Variants in TRIM65 observed in about 807,000 individuals in gnomAD.
TRIM65 encodes the protein E3 ubiquitin-protein ligase TRIM65.
TRIM65 carries 46 observed loss-of-function variants against 36.1 expected under a neutral mutation model. The observed-to-expected ratio is 1.27, with a 90% CI of 1.01 to 1.63. TRIM65 has a LOEUF of 1.63. Among genes scored for constraint, TRIM65 ranks in the 40% most tolerant of loss-of-function variants. The pLI is 0.00. For missense variants in TRIM65, 708 were observed against 696.6 expected (o/e 1.02, Z -0.18); for synonymous variants, 346 against 313.6 (o/e 1.10, Z -1.09).
chr17:75,892,778 G>C lies in TRIM65; in HGVS notation c.487C>G (p.Arg163Gly), dbSNP rs765174948. Residue 163 changes from arginine to glycine, a missense_variant, in exon 2 of 6, where the codon CGC (arginine) becomes GGC (glycine). Coordinates refer to ENST00000269383, the MANE Select transcript of TRIM65 (RefSeq NM_173547.4). Reference protein sequence around the residue: ...TQAEGQLLELRKQSSQIQNSA... With the variant: ...TQAEGQLLELGKQSSQIQNSA... ...ACCTGGATCTGGCTGCTTTGCTTGC[G>C]CAGCTCTAGTAGCTGGCCTTCGGCC... The C allele has an allele frequency of 1.1e-5, 18 of 1,604,280 alleles. No homozygotes were observed. The highest frequency in any genetic ancestry group is 1.4e-5 in the Non-Finnish European group (17 of 1,179,888).
At position 75,890,649 on chromosome 17, in the gene TRIM65, A is replaced by C. The variant is rs2065251052; in HGVS notation, c.*130T>G. The C allele has an allele frequency of 2.6e-6, 2 of 769,524 alleles. No individual in the cohort carries two copies. 47.7% of individuals were successfully genotyped at this position (769,524 alleles called of 1,614,324 possible). ...CTCTGCGTTTATGCTCACCTCCCCC[A>C]ACCTCCCATCTCTTTCTGAGTTAAC... On this transcript the variant is annotated 3_prime_UTR_variant, in exon 6 of 6. Transcript: ENST00000269383.
chr17:75,891,406 T>C (rs2065265075), intron 5 of TRIM65, 59 bp from the exon 6 acceptor site: 2 of 1,568,594 alleles, frequency 1.3e-6, no homozygotes, highest in Non-Finnish European at 8.7e-7. Context: ...CAGATCTCCA[T>C]TTATCCGCTG....
At chr17:75,892,931 C>G (rs909543036) in intron 1 of TRIM65, 81 bp from the exon 2 acceptor site, 1 of 1,260,774 alleles carries the variant, frequency 7.9e-7, no homozygotes, top group African/African-American at 1.5e-5. Context: ...ACCAACCATG[C>G]CTGCAGACAC....
Position 75,896,770 on chromosome 17 carries a change from G to T in TRIM65, c.168C>A (p.Asp56Glu), listed in dbSNP as rs1237262802. ...ACPECREPFPDGAELRRNVAL... is the reference protein window; with the variant it reads ...ACPECREPFPEGAELRRNVAL... ...CCACGTTGCGGCGCAGCTCGGCGCC[G>T]TCGGGAAAGGGCTCCCGGCACTCGG... is the stretch of plus-strand genomic sequence containing the variant. The change falls in exon 1 of 6, where the codon GAC (aspartate) becomes GAA (glutamate). Residue 56 changes from aspartate (D) to glutamate (E), a missense_variant. Transcript: ENST00000269383. The T allele has an allele frequency of 6.7e-7, 1 of 1,494,934 alleles. No homozygotes were observed. Among genetic ancestry groups the T allele is most frequent in the Non-Finnish European group, 8.9e-7 (1 of 1,126,896 alleles). 92.6% of individuals were successfully genotyped at this position (1,494,934 alleles called of 1,614,324 possible). A position where few individuals can be genotyped will look rare whatever the true frequency, so the allele number is the denominator to read the frequency against.
downstream of TRIM65, among the ~76,000 whole-genome samples, chr17:75,887,428 G>A (rs952143332): frequency 5.3e-5 from 8 of 151,932 alleles, no homozygotes; most frequent in Non-Finnish European, 1.2e-4. Flanking sequence ...GGGTTGCACT[G>A]AGCTGAGATT....
Position 75,890,799 on chromosome 17 carries a change from G to T in TRIM65, c.1534C>A (p.Gln512Lys), listed in dbSNP as rs753626613. The T allele has an allele frequency of 6.7e-7, 1 of 1,491,300 alleles. No homozygotes were observed. The highest frequency in any genetic ancestry group is 2.4e-5 in the East Asian group (1 of 41,190). 92.4% of individuals were successfully genotyped at this position (1,491,300 alleles called of 1,614,324 possible). A position where few individuals can be genotyped will look rare whatever the true frequency, so the allele number is the denominator to read the frequency against. Residue 512 changes from glutamine (Q) to lysine (K), a missense_variant, in exon 6 of 6, where the codon CAG becomes AAG. Physicochemically the swap from Gln to Lys is moderately conservative, Grantham distance 53. Coordinates refer to ENST00000269383, the MANE Select transcript of TRIM65 (RefSeq NM_173547.4). ...QPGAVFPLGP[Q>K]EEVLS Reference sequence around the variant, plus strand: ...CTTCTTCAGCTGAGCACCTCTTCCTGGGGCCCCAGAGGGAACACAGCCCCT... The same window carrying T: ...CTTCTTCAGCTGAGCACCTCTTCCTTGGGCCCCAGAGGGAACACAGCCCCT...
rs1457875776 is a variant in TRIM65 at position 75,892,104 on chromosome 17, G to A, written c.826C>T (p.Leu276=). ...CACAGCCGGCTTAGCAACTGCTTCA[G>A]GTCACCCAGCTGTTGGTCTTCATCC... ...QWDEDQQLGD[L]KQLLSRLCGL... is the part of the protein sequence containing the mutation. Residue 276 remains leucine, a synonymous_variant, in exon 4 of 6, where the codon CTG becomes TTG. Transcript: ENST00000269383. 1 of 1,557,408 alleles carries A rather than the reference G, an allele frequency of 6.4e-7. No individual in the cohort carries two copies. The highest frequency in any genetic ancestry group is 8.7e-7 in the Non-Finnish European group (1 of 1,150,088).
At chr17:75,882,179 C>T (rs991140053) in intron 4 of TRIM65, among the ~76,000 whole-genome samples, 10 of 150,228 alleles carry the variant, frequency 6.7e-5, no homozygotes, top group African/African-American at 1.5e-4. Context: ...CACAGAGATG[C>T]GGTTTGTCAG....
Position 75,889,717 on chromosome 17 carries a change from A to G in TRIM65, c.*1062T>C, listed in dbSNP as rs1360778051. The G allele has an allele frequency of 6.6e-6, 1 of 152,156 alleles. No homozygotes were observed. The highest frequency in any genetic ancestry group is 2.4e-5 in the African/African-American group (1 of 41,424). The allele number at this position is 152,156 out of a possible 1,614,324, so 9.4% of individuals were successfully genotyped here. On this transcript the variant is annotated 3_prime_UTR_variant, in exon 6 of 6. Coordinates refer to ENST00000269383, the MANE Select transcript of TRIM65 (RefSeq NM_173547.4). ...TGTATAAAAAAATCTTCAAGTGCTC[A>G]TTGTTCCCTGAGTGACTCACTTGAG...
intron 1 of TRIM65, among the ~76,000 whole-genome samples, chr17:75,893,620 C>T (rs924356722): frequency 6.6e-6 from 1 of 152,090 alleles, no homozygotes; most frequent in African/African-American, 2.4e-5. Context: ...CATTACTATC[C>T]CCACATCACA....
At chr17:75,896,488 G>A in intron 1 of TRIM65, 36 bp downstream of exon 1, 3 of 1,298,992 alleles carry the variant, frequency 2.3e-6, no homozygotes, top group South Asian at 2.0e-5. Flanking sequence ...GGCTGCGGCG[G>A]GTCCGGACCC....
At chr17:75,893,272 C>A (rs2065299987) in intron 1 of TRIM65, among the ~76,000 whole-genome samples, 1 of 152,200 alleles carries the variant, frequency 6.6e-6, no homozygotes, top group African/African-American at 2.4e-5. Context: ...CCCTGTCTCA[C>A]TGCAGAGGGG....
At chr17:75,895,878 G>A (rs2065338820) in intron 1 of TRIM65, among the ~76,000 whole-genome samples, 2 of 152,204 alleles carry the variant, frequency 1.3e-5, no homozygotes, top group South Asian at 4.1e-4. Context: ...GCGAATGAAA[G>A]GAGGCTCTCG....
chr17:75,884,703 C>T (rs1260822809), downstream of TRIM65, among the ~76,000 whole-genome samples: 1 of 152,192 alleles, frequency 6.6e-6, no homozygotes, highest in East Asian at 1.9e-4. Flanking sequence ...ACTGCAGCCT[C>T]AACATCCCGG....
In TRIM65 at chr17:75,892,171, G is replaced by C; in HGVS notation, c.759C>G (p.Leu253=). The C allele has an allele frequency of 6.4e-7, 1 of 1,569,638 alleles. No individual in the cohort carries two copies. The highest frequency in any genetic ancestry group is 1.4e-5 in the African/African-American group (1 of 73,972). ...EQTFLQESQL[L]QPPGPLGPLT... ...GTGGCCCAAGAGGCCCTGGGGGCTG[G>C]AGGAGCTGCGATTCCTGAGCCCCAG... Residue 253 remains leucine (L), a synonymous_variant, in exon 4 of 6, where the codon CTC becomes CTG. Transcript: ENST00000269383.
At chr17:75,892,582 G>T in intron 2 of TRIM65, 82 bp from the exon 3 acceptor site, 1 of 1,383,996 alleles carries the variant, frequency 7.2e-7, no homozygotes, top group South Asian at 1.3e-5. Flanking sequence ...CTGCCTGCTG[G>T]GCTGAGGGTC....
At chr17:75,891,437 C>T in intron 5 of TRIM65, 90 bp from the exon 6 acceptor site, 3 of 1,384,356 alleles carry the variant, frequency 2.2e-6, no homozygotes, top group Non-Finnish European at 3.0e-6. Flanking sequence ...GCCAGGCACG[C>T]TGAGCACCGG....
At position 75,896,951 on chromosome 17, in the gene TRIM65, C is replaced by T; in HGVS notation, c.-14G>A. 1 of 1,483,522 alleles carries T rather than the reference C, an allele frequency of 6.7e-7. No individual in the cohort carries two copies. The highest frequency in any genetic ancestry group is 8.9e-7 in the Non-Finnish European group (1 of 1,122,376). 91.9% of individuals were successfully genotyped at this position (1,483,522 alleles called of 1,614,324 possible). A position where few individuals can be genotyped will look rare whatever the true frequency, so the allele number is the denominator to read the frequency against. ...CTGCGCGGCCATGGCCCGGCGGCGG[C>T]GAGAGCCAGGCGGGCCCCGGGCGTC... is the stretch of plus-strand genomic sequence containing the variant. On this transcript the variant is annotated 5_prime_UTR_variant, in exon 1 of 6. Coordinates refer to ENST00000269383, the MANE Select transcript of TRIM65 (RefSeq NM_173547.4).
At chr17:75,892,922 C>T in intron 1 of TRIM65, 72 bp from the exon 2 acceptor site, 2 of 1,375,864 alleles carry the variant, frequency 1.5e-6, no homozygotes, top group East Asian at 2.4e-5. Flanking sequence ...TCTCAGACAA[C>T]CAACCATGCC....
Sources: allele counts gnomAD v4.1 joint callset (sites outside exome capture counted in the v4.1 genomes callset), GRCh38; gene constraint gnomAD v4.1.1; transcripts MANE v1.5; gene names NCBI Gene and HGNC (gene_info 2026-07-23, HGNC 2026-07-21).